MNAT1: variants seen among roughly 807,000 people sequenced by gnomAD.
MNAT1 encodes MNAT1 component of CDK activating kinase.
MNAT1 carries 43 observed loss-of-function variants against 42.0 expected under a neutral mutation model. That is an observed-to-expected ratio of 1.02 (90% confidence interval 0.80 to 1.32). The LOEUF is 1.32. Ranked by LOEUF, MNAT1 falls within the 40% of genes most tolerant of loss-of-function variation. The pLI, the probability that MNAT1 is intolerant of heterozygous loss-of-function variation, is 0.00. For synonymous variants in MNAT1, 118 were observed against 120.0 expected (o/e 0.98, Z 0.11); for missense variants, 306 against 350.4 (o/e 0.87, Z 1.01).
intron 6 of MNAT1, among the ~76,000 whole-genome samples, chr14:60,862,066 A>G (rs1355849643): frequency 6.6e-6 from 1 of 152,232 alleles, no homozygotes; most frequent in Non-Finnish European, 1.5e-5. Context: ...ATAAAGACCT[A>G]TGAGAGTGTT....
At chr14:60,889,209 G>T (rs1387053688) in intron 7 of MNAT1, among the ~76,000 whole-genome samples, 1 of 152,134 alleles carries the variant, frequency 6.6e-6, no homozygotes, top group African/African-American at 2.4e-5. Context: ...ATACTACAAG[G>T]CTACAGTAAC....
chr14:60,746,697 T>G (rs1471749720), intron 1 of MNAT1, among the ~76,000 whole-genome samples: 1 of 150,880 alleles, frequency 6.6e-6, no homozygotes, highest in African/African-American at 2.4e-5. Flanking sequence ...TAACATATAT[T>G]TTTTGCTTGA....
chr14:60,844,467 G>T (rs1421406000), intron 6 of MNAT1, among the ~76,000 whole-genome samples: 1 of 151,888 alleles, frequency 6.6e-6, no homozygotes, highest in Non-Finnish European at 1.5e-5. Context: ...TTTATGTGTG[G>T]GATGCTCTTT....
intron 7 of MNAT1, among the ~76,000 whole-genome samples, chr14:60,942,420 C>A (rs1016847778): frequency 3.3e-5 from 5 of 149,938 alleles, no homozygotes; most frequent in African/African-American, 1.2e-4. Context: ...AAGAAAGGGG[C>A]CCTTATTGTT....
chr14:60,776,275 C>T (rs1375150392), intron 1 of MNAT1, among the ~76,000 whole-genome samples: 3 of 152,016 alleles, frequency 2.0e-5, no homozygotes, highest in Non-Finnish European at 4.4e-5. Context: ...GTATTTAATG[C>T]AAGTCATCTG....
chr14:60,870,468 G>T (rs4151282), intron 6 of MNAT1, among the ~76,000 whole-genome samples: 1 of 151,988 alleles, frequency 6.6e-6, no homozygotes, highest in Non-Finnish European at 1.5e-5. Flanking sequence ...GTTTTGTGCC[G>T]TACTTTTCAA....
intron 7 of MNAT1, chr14:60,920,211 G>A (rs1461631441): frequency 6.6e-6 from 1 of 151,956 alleles, no homozygotes; most frequent in African/African-American, 2.4e-5. Context: ...CACCAATAGA[G>A]TTTGGGGAGA....
intron 6 of MNAT1, among the ~76,000 whole-genome samples, chr14:60,844,886 C>A (rs1311476294): frequency 6.6e-6 from 1 of 151,896 alleles, no homozygotes; most frequent in Non-Finnish European, 1.5e-5. Context: ...TATTAAATAT[C>A]ATTTTTCTTC....
chr14:60,960,022 T>A (rs2036560227), intron 7 of MNAT1, among the ~76,000 whole-genome samples: 1 of 151,904 alleles, frequency 6.6e-6, no homozygotes, highest in Non-Finnish European at 1.5e-5. Flanking sequence ...TAGTATTCCA[T>A]TGTATCAATA....
chr14:60,866,254 T>A (rs976969304), intron 6 of MNAT1, among the ~76,000 whole-genome samples: 3 of 151,380 alleles, frequency 2.0e-5, no homozygotes, highest in Non-Finnish European at 4.4e-5. Flanking sequence ...CACAGAACAA[T>A]GTACAGTATA....
chr14:60,869,040 A>ATATATATATATATATATATCT (rs1465360826), intron 6 of MNAT1, among the ~76,000 whole-genome samples: 1 of 113,054 alleles, frequency 8.8e-6, no homozygotes, highest in Non-Finnish European at 1.8e-5. Flanking sequence ...ATATATATAT[A>ATATATATATATATATATATCT]TTTTTTTTTT....
At chr14:60,776,828 TTTG>T (rs1385501804) in intron 1 of MNAT1, among the ~76,000 whole-genome samples, 2 of 152,114 alleles carry the variant, frequency 1.3e-5, no homozygotes, top group Admixed American at 6.6e-5. Flanking sequence ...TGTGGTTTTT[TTTG>T]TTGTTGTTTG....
At chr14:60,889,027 G>C (rs1408734286) in intron 7 of MNAT1, among the ~76,000 whole-genome samples, 4 of 143,824 alleles carry the variant, frequency 2.8e-5, no homozygotes, top group Non-Finnish European at 6.1e-5. Flanking sequence ...TACTGCCCAA[G>C]GTAATTTATA....
At chr14:60,927,192 T>C (rs2035785434) in intron 7 of MNAT1, among the ~76,000 whole-genome samples, 1 of 152,188 alleles carries the variant, frequency 6.6e-6, no homozygotes, top group Non-Finnish European at 1.5e-5. Flanking sequence ...GGTCATCCTT[T>C]GGGACCTATT....
intron 6 of MNAT1, among the ~76,000 whole-genome samples, chr14:60,826,507 G>A (rs1468635288): frequency 6.6e-6 from 1 of 151,956 alleles, no homozygotes; most frequent in Non-Finnish European, 1.5e-5. Context: ...TTTCAGTAGA[G>A]ACGGGGTTTC....
intron 7 of MNAT1, among the ~76,000 whole-genome samples, chr14:60,910,357 C>G (rs1594860648): frequency 6.6e-6 from 1 of 152,238 alleles, no homozygotes; most frequent in East Asian, 1.9e-4. Context: ...ACTTCCAACA[C>G]TATGTTGAAT....
intron 7 of MNAT1, among the ~76,000 whole-genome samples, chr14:60,890,991 C>T (rs1431831685): frequency 6.6e-6 from 1 of 152,174 alleles, no homozygotes; most frequent in African/African-American, 2.4e-5. Context: ...GTTTCTTCCT[C>T]TTCACTTTTT....
intron 1 of MNAT1, among the ~76,000 whole-genome samples, 188 bp from the exon 2 acceptor site, chr14:60,796,029 A>T (rs1195689976): frequency 1.3e-5 from 2 of 152,172 alleles, no homozygotes; most frequent in African/African-American, 4.8e-5. Flanking sequence ...ATCACTTGGG[A>T]TACCTATATC....
intron 6 of MNAT1, among the ~76,000 whole-genome samples, chr14:60,836,214 C>A (rs1489450803): frequency 6.6e-6 from 1 of 152,118 alleles, no homozygotes; most frequent in Non-Finnish European, 1.5e-5. Context: ...TTGTTATTAT[C>A]CACCTTGTGA....
Sources: allele counts gnomAD v4.1 joint callset (sites outside exome capture counted in the v4.1 genomes callset), GRCh38; gene constraint gnomAD v4.1.1; transcripts MANE v1.5; gene names NCBI Gene and HGNC (gene_info 2026-07-23, HGNC 2026-07-21).